The following CBR1 variants were observed in gnomAD, a reference collection of about 807,000 sequenced individuals.
The protein encoded by CBR1 is carbonyl reductase [NADPH] 1.
In CBR1, 11 loss-of-function variants were observed where a neutral mutation model predicts 10.6. The ratio of observed to expected loss-of-function variants is 1.03; its 90% confidence interval spans 0.65 to 1.71. CBR1 has a LOEUF of 1.71. CBR1 is among the 40% of genes most tolerant of loss of function. The probability of loss-of-function intolerance (pLI) is 0.00; values close to 1 mark genes in which losing one functional copy is unlikely to be tolerated. For missense variants in CBR1, 361 were observed against 368.6 expected (o/e 0.98, Z 0.17); for synonymous variants, 158 against 156.7 (o/e 1.01, Z -0.06).
At chr21:36,071,920 T>A in intron 2 of CBR1, 1 of 1,536,078 alleles carries the variant, frequency 6.5e-7, no homozygotes, top group Non-Finnish European at 8.7e-7. Flanking sequence ...TGCCGCTGCT[T>A]AACTCTGGGC....
chr21:36,070,505 G>A (rs1601322124), intron 1 of CBR1, 101 bp downstream of exon 1: 4 of 1,194,142 alleles, frequency 3.3e-6, no homozygotes, highest in Non-Finnish European at 2.3e-6. Flanking sequence ...AGAGGGAGGA[G>A]CTAGGAGATG....
chr21:36,072,709 A>G lies in CBR1; in HGVS notation c.661A>G (p.Ile221Val), dbSNP rs1412397891. 1.1e-5 allele frequency: 17 copies of G among 1,614,152 alleles called. No individual in the cohort carries two copies. The highest frequency in any genetic ancestry group is 1.4e-5 in the Non-Finnish European group (16 of 1,180,028). The stretch of plus-strand genomic sequence containing the variant: ...GAGTGAGCAGAGGAAAGGGGACAAG[A>G]TCCTCCTGAATGCCTGCTGCCCAGG... ...KLSEQRKGDK[I>V]LLNACCPGWV... The change falls in exon 3 of 3, where the codon ATC (isoleucine) becomes GTC (valine). Residue 221 changes from isoleucine (I) to valine (V), a missense_variant. Transcript: ENST00000290349.
intron 2 of CBR1, chr21:36,072,211 A>T (rs2065356831): frequency 6.4e-7 from 1 of 1,550,518 alleles, no homozygotes; most frequent in Admixed American, 2.0e-5. Flanking sequence ...CCAGGACCTC[A>T]AAGGGCAGCT....
chr21:36,070,159 A>G lies in CBR1; in HGVS notation c.44A>G (p.Lys15Arg). Residue 15 changes from lysine to arginine, a missense_variant, in exon 1 of 3, where the codon AAG becomes AGG. By Grantham distance (26) the Lys-to-Arg change is conservative. Coordinates refer to ENST00000290349, the MANE Select transcript of CBR1 (RefSeq NM_001757.4). ...GTAGCGCTGGTGACTGGAGGCAACA[A>G]GGGCATCGGCTTGGCCATCGTGCGC... ...IHVALVTGGN[K>R]GIGLAIVRDL... is the part of the protein sequence containing the mutation. 2.5e-6 allele frequency: 4 copies of G among 1,583,638 alleles called. No homozygotes were observed. The highest frequency in any genetic ancestry group is 3.4e-6 in the Non-Finnish European group (4 of 1,165,638).
intron 1 of CBR1, 118 bp downstream of exon 1, chr21:36,070,522 G>A (rs1049555217): frequency 7.0e-5 from 72 of 1,028,566 alleles, no homozygotes; most frequent in Non-Finnish European, 8.9e-5. Context: ...GATGCAGGGA[G>A]TGCAGAAACC....
chr21:36,071,730 C>A, intron 2 of CBR1: 2 of 852,920 alleles, frequency 2.3e-6, no homozygotes, highest in African/African-American at 1.7e-5. Context: ...AGCTCTACAG[C>A]AGGCCCTCAC....
At position 36,071,036 on chromosome 21, in the gene CBR1, C is replaced by T. The variant is rs757911931; in HGVS notation, c.376C>T (p.Leu126Phe). 2.1e-5 allele frequency: 34 copies of T among 1,611,776 alleles called. No homozygotes were observed. In the Admixed American group the frequency reaches 2.5e-4, roughly 12 times the overall value. The change falls in exon 2 of 3, where the codon CTC (leucine) becomes TTC (phenylalanine). Residue 126 changes from leucine (L) to phenylalanine (F), a missense_variant. Leu to Phe is a conservative substitution (Grantham distance 22, BLOSUM62 0). Transcript: ENST00000290349. ...FGTRDVCTELLPLIKPQGRVV... is the reference protein window; with the variant it reads ...FGTRDVCTELFPLIKPQGRVV... ...TACCCGAGATGTGTGCACAGAATTA[C>T]TCCCTCTAATAAAACCCCAAGGTGA...
chr21:36,070,192 G>T lies in CBR1; in HGVS notation c.77G>T (p.Cys26Phe). The T allele has an allele frequency of 6.2e-7, 1 of 1,605,402 alleles. No individual in the cohort carries two copies. The change falls in exon 1 of 3, where the codon TGC (cysteine) becomes TTC (phenylalanine). Residue 26 changes from cysteine to phenylalanine, a missense_variant. Coordinates refer to ENST00000290349, the MANE Select transcript of CBR1 (RefSeq NM_001757.4). ...GIGLAIVRDL[C>F]RLFSGDVVLT... ...GGCTTGGCCATCGTGCGCGACCTGTGCCGGCTGTTCTCGGGGGACGTGGTG... is the reference window on the plus strand; with the variant it reads ...GGCTTGGCCATCGTGCGCGACCTGTTCCGGCTGTTCTCGGGGGACGTGGTG...
chr21:36,071,677 A>C, intron 2 of CBR1: 1 of 642,138 alleles, frequency 1.6e-6, no homozygotes, highest in South Asian at 1.9e-5. Context: ...ACTAGGTCCT[A>C]GGAGTTGTGC....
At chr21:36,070,583 C>A (rs2065344774) in intron 1 of CBR1, 179 bp downstream of exon 1, 3 of 631,904 alleles carry the variant, frequency 4.7e-6, no homozygotes, top group Non-Finnish European at 7.7e-6. Flanking sequence ...GTTTCCCTGG[C>A]TGGGACTCTT....
intron 2 of CBR1, chr21:36,072,210 C>G (rs989392184): frequency 1.3e-6 from 2 of 1,550,498 alleles, no homozygotes; most frequent in African/African-American, 2.7e-5. Context: ...ACCAGGACCT[C>G]AAAGGGCAGC....
chr21:36,072,497 G>C lies in CBR1; in HGVS notation c.449G>C (p.Cys150Ser). 1 of 1,608,490 alleles carries C rather than the reference G, an allele frequency of 6.2e-7. No homozygotes were observed. The highest frequency in any genetic ancestry group is 8.5e-7 in the Non-Finnish European group (1 of 1,178,130). Reference sequence around the variant, plus strand: ...ATGAGCGTCAGAGCCCTTAAAAGCTGCAGCCCAGAGCTGCAGCAGAAGTTC... The same window carrying C: ...ATGAGCGTCAGAGCCCTTAAAAGCTCCAGCCCAGAGCTGCAGCAGAAGTTC... ...SIMSVRALKSCSPELQQKFRS... is the reference protein window; with the variant it reads ...SIMSVRALKSSSPELQQKFRS... The change falls in exon 3 of 3, where the codon TGC becomes TCC. Residue 150 changes from cysteine to serine, a missense_variant. Physicochemically the swap from Cys to Ser is moderately radical, Grantham distance 112. Coordinates refer to ENST00000290349, the MANE Select transcript of CBR1 (RefSeq NM_001757.4).
At position 36,070,375 on chromosome 21, in the gene CBR1, T is replaced by G. The variant is rs1213360369; in HGVS notation, c.260T>G (p.Leu87Arg). 11 of 1,610,256 alleles carry G rather than the reference T, an allele frequency of 6.8e-6. No homozygotes were observed. The highest frequency in any genetic ancestry group is 9.3e-6 in the Non-Finnish European group (11 of 1,178,048). ...AAGGAGTACGGGGGCCTGGACGTGC[T>G]GGTCAACAACGCGGGCATCGCCTTC... is the stretch of plus-strand genomic sequence containing the variant. ...LRKEYGGLDV[L>R]VNNAGIAFKV... The change falls in exon 1 of 3, where the codon CTG (leucine) becomes CGG (arginine). Residue 87 changes from leucine (L) to arginine (R), a missense_variant. Coordinates refer to ENST00000290349, the MANE Select transcript of CBR1 (RefSeq NM_001757.4).
Position 36,073,033 on chromosome 21 carries a change from C to G in CBR1, c.*151C>G. ...CACTAATGTACTACTAATTGAGCAA[C>G]CTACGCACTCAGTTGACTACGTAAA... On this transcript the variant is annotated 3_prime_UTR_variant, in exon 3 of 3. Transcript: ENST00000290349. The G allele has an allele frequency of 1.9e-6, 1 of 516,408 alleles. No individual in the cohort carries two copies. Among genetic ancestry groups the G allele is most frequent in the South Asian group, 3.6e-5 (1 of 27,890 alleles). 32.0% of individuals were successfully genotyped at this position (516,408 alleles called of 1,614,324 possible).
intron 2 of CBR1, chr21:36,071,654 C>A: frequency 1.6e-6 from 1 of 611,344 alleles, no homozygotes. Context: ...TGCCCCACCC[C>A]TCATAATCAT....
In CBR1 at chr21:36,072,992, CTT is replaced by C. The variant is rs1181855280; in HGVS notation, c.*111_*112del. The C allele has an allele frequency of 4.2e-6, 3 of 722,854 alleles. No individual in the cohort carries two copies. The highest frequency in any genetic ancestry group is 1.8e-5 in the African/African-American group (1 of 56,374). The allele number at this position is 722,854 out of a possible 1,614,324, so 44.8% of individuals were successfully genotyped here. ...CCTTATATAAGAAAAAAAATGATCT[CTT>C]ATCAATTAGCACTCACTAATGTACT... On this transcript the variant is annotated 3_prime_UTR_variant, in exon 3 of 3. Transcript: ENST00000290349.
chr21:36,071,692 T>C (rs1053524302), intron 2 of CBR1: 2 of 645,160 alleles, frequency 3.1e-6, no homozygotes, highest in Non-Finnish European at 5.4e-6. Flanking sequence ...TTGTGCCCAC[T>C]GAGTTCCTCC....
intron 2 of CBR1, 76 bp from the exon 3 acceptor site, chr21:36,072,370 C>T (rs766572624): frequency 9.3e-6 from 15 of 1,612,874 alleles, no homozygotes; most frequent in Non-Finnish European, 1.3e-5. Context: ...GCTCCAAAAT[C>T]CCTGCAAATT....
intron 1 of CBR1, 91 bp downstream of exon 1, chr21:36,070,495 A>C (rs1402945280): frequency 2.3e-6 from 3 of 1,279,674 alleles, no homozygotes; most frequent in East Asian, 2.5e-5. Flanking sequence ...CCTAGGGAGG[A>C]GAGGGAGGAG....
Sources: gnomAD v4.1 joint callset for allele counts on GRCh38, gnomAD v4.1.1 for gene constraint, MANE v1.5 for transcripts, NCBI Gene and HGNC (gene_info 2026-07-23, HGNC 2026-07-21) for gene names.